RBFOX1: variants seen among roughly 807,000 people sequenced by gnomAD.
RBFOX1 encodes the protein RNA binding protein fox-1 homolog 1.
RBFOX1 carries 8 observed loss-of-function variants against 57.7 expected under a neutral mutation model. The observed-to-expected ratio is 0.14, with a 90% CI of 0.08 to 0.25. RBFOX1 has a LOEUF of 0.25. Among genes scored for constraint, RBFOX1 ranks in the 10% least tolerant of loss-of-function variants. The pLI, the probability that RBFOX1 is intolerant of heterozygous loss-of-function variation, is 1.00. For synonymous variants in RBFOX1, 326 were observed against 222.4 expected, an observed-to-expected ratio of 1.47 and a Z score of -4.15; for missense variants, 611 against 548.5, an observed-to-expected ratio of 1.11 and a Z score of -1.14.
chr16:5,441,919 A>G (rs778607800), intron 1 of RBFOX1, among the ~76,000 whole-genome samples: 1 of 152,186 alleles, frequency 6.6e-6, no homozygotes, highest in Non-Finnish European at 1.5e-5. Context: ...CCCACGACAC[A>G]TGGGGATTAT....
At chr16:7,253,568 G>A (rs2094567246) in intron 4 of RBFOX1, among the ~76,000 whole-genome samples, 1 of 152,022 alleles carries the variant, frequency 6.6e-6, no homozygotes, top group Non-Finnish European at 1.5e-5. Flanking sequence ...GTCATTTCTG[G>A]ATGTCTCCTC....
At chr16:7,107,857 C>G (rs764482865) in intron 4 of RBFOX1, among the ~76,000 whole-genome samples, 3 of 152,124 alleles carry the variant, frequency 2.0e-5, no homozygotes, top group Non-Finnish European at 4.4e-5. Flanking sequence ...CTTGTTTTCT[C>G]TACCCGTGGT....
At chr16:6,890,615 T>C (rs1188085648) in intron 3 of RBFOX1, among the ~76,000 whole-genome samples, 1 of 152,188 alleles carries the variant, frequency 6.6e-6, no homozygotes, top group African/African-American at 2.4e-5. Flanking sequence ...GGTTATCGTT[T>C]ATTGTGTTGG....
chr16:6,870,192 A>AT (rs1255809575), intron 3 of RBFOX1, among the ~76,000 whole-genome samples: 1 of 152,138 alleles, frequency 6.6e-6, no homozygotes, highest in Non-Finnish European at 1.5e-5. Context: ...CGAAAACCTT[A>AT]TTTCATCTAG....
chr16:7,249,164 G>A (rs751787174), intron 4 of RBFOX1, among the ~76,000 whole-genome samples: 9 of 152,122 alleles, frequency 5.9e-5, no homozygotes, highest in Non-Finnish European at 1.3e-4. Flanking sequence ...GGGGTTAGGT[G>A]GTATCACCAC....
intron 1 of RBFOX1, among the ~76,000 whole-genome samples, chr16:6,269,422 C>T (rs899477319): frequency 1.3e-5 from 2 of 152,112 alleles, no homozygotes; most frequent in African/African-American, 4.8e-5. Flanking sequence ...TGAAGGAAAT[C>T]CACACCAAGT....
intron 4 of RBFOX1, among the ~76,000 whole-genome samples, chr16:5,925,256 C>G (rs535631798): frequency 6.6e-6 from 1 of 152,200 alleles, no homozygotes; most frequent in East Asian, 1.9e-4. Flanking sequence ...TGGAAGCAAA[C>G]CAAATGTCCA....
chr16:5,889,456 C>T (rs145153076), intron 4 of RBFOX1, among the ~76,000 whole-genome samples: 3,791 of 152,242 alleles, frequency 0.025, 157 homozygotes, highest in African/African-American at 0.085. Flanking sequence ...TTTCTTTATC[C>T]GTTCTATCAT....
intron 4 of RBFOX1, among the ~76,000 whole-genome samples, chr16:7,170,183 A>G (rs2080405712): frequency 1.3e-5 from 2 of 152,212 alleles, no homozygotes; most frequent in Admixed American, 1.3e-4. Flanking sequence ...CTTTTATAGA[A>G]ACTGTAGCAT....
At chr16:7,541,349 C>T (rs2082876708) in intron 5 of RBFOX1, among the ~76,000 whole-genome samples, 1 of 152,190 alleles carries the variant, frequency 6.6e-6, no homozygotes, top group Non-Finnish European at 1.5e-5. Flanking sequence ...CGTGAAGCAG[C>T]ATTTTCCTCT....
chr16:6,940,763 AGTGTGTGTGTGTGTGTGTGT>A lies in RBFOX1; in HGVS notation c.-15-111265_-15-111246del, dbSNP rs61349150. On this transcript the variant is annotated intron_variant, in intron 3 of 15. Transcript: ENST00000550418. ...CAGGCGCCCGCCACCATGTCCCGCT[AGTGTGTGTGTGTGTGTGTGT>A]GTGTGTGTGTGTGTGTGTGTGTGTG... 4.1e-3 allele frequency among the ~76,000 whole-genome samples: 467 copies of A among 114,472 alleles called. 7 individuals carry two copies. The South Asian group carries it at 0.046, about 11-fold the overall frequency. The allele number at this position is 114,472 out of a possible 152,430, so 75.1% of individuals were successfully genotyped here. A position where few individuals can be genotyped will look rare whatever the true frequency, so the allele number is the denominator to read the frequency against.
At chr16:6,226,701 T>A (rs1192657273) in intron 1 of RBFOX1, among the ~76,000 whole-genome samples, 1 of 152,222 alleles carries the variant, frequency 6.6e-6, no homozygotes, top group East Asian at 1.9e-4. Context: ...TAAATGTTGA[T>A]GTTTTCCATT....
intron 1 of RBFOX1, among the ~76,000 whole-genome samples, chr16:5,404,230 C>A (rs1413613081): frequency 2.6e-5 from 4 of 152,014 alleles, no homozygotes; most frequent in Non-Finnish European, 5.9e-5. Flanking sequence ...CCTGGGAAGC[C>A]CTGACTTGAC....
At chr16:6,114,056 T>C (rs140340439) in intron 1 of RBFOX1, among the ~76,000 whole-genome samples, 14 of 152,352 alleles carry the variant, frequency 9.2e-5, no homozygotes, top group Non-Finnish European at 1.5e-4. Flanking sequence ...CCGTTCTTCC[T>C]AGTTGTCAAT....
intron 3 of RBFOX1, among the ~76,000 whole-genome samples, chr16:5,768,953 T>C (rs963574867): frequency 3.3e-5 from 5 of 151,830 alleles, no homozygotes; most frequent in African/African-American, 4.8e-5. Flanking sequence ...AAATAGGAAA[T>C]CCAGGCAGTG....
intron 1 of RBFOX1, among the ~76,000 whole-genome samples, chr16:5,357,845 T>A (rs2065435362): frequency 6.6e-6 from 1 of 152,222 alleles, no homozygotes; most frequent in Non-Finnish European, 1.5e-5. Context: ...TTTTTATGTG[T>A]TCCTTAAATG....
chr16:7,185,474 C>T (rs1044744621), intron 4 of RBFOX1, among the ~76,000 whole-genome samples: 9 of 152,148 alleles, frequency 5.9e-5, no homozygotes, highest in African/African-American at 2.2e-4. Flanking sequence ...CTATCTGGGT[C>T]TAGTGCCTCC....
At chr16:7,161,129 A>G (rs1400893815) in intron 4 of RBFOX1, among the ~76,000 whole-genome samples, 4 of 152,126 alleles carry the variant, frequency 2.6e-5, no homozygotes, top group Non-Finnish European at 5.9e-5. Context: ...AACCTCTGGG[A>G]TTACAAAATA....
At chr16:5,968,614 A>G (rs2059899082) in intron 4 of RBFOX1, among the ~76,000 whole-genome samples, 1 of 152,114 alleles carries the variant, frequency 6.6e-6, no homozygotes, top group Admixed American at 6.6e-5. Flanking sequence ...TTTTGCCAAG[A>G]TGCCTGAAGA....
Sources: allele counts gnomAD v4.1 joint callset (sites outside exome capture counted in the v4.1 genomes callset), GRCh38; gene constraint gnomAD v4.1.1; transcripts MANE v1.5; gene names NCBI Gene and HGNC (gene_info 2026-07-23, HGNC 2026-07-21).